The following DAB1 variants were observed in gnomAD, a reference collection of about 807,000 sequenced individuals.
The protein encoded by DAB1 is disabled homolog 1.
DAB1 carries 15 observed loss-of-function variants against 64.6 expected under a neutral mutation model. That is an observed-to-expected ratio of 0.23 (90% CI 0.16 to 0.36). DAB1 has a LOEUF of 0.36. DAB1 is among the 10% of genes least tolerant of loss of function. The pLI is 1.00. For synonymous variants in DAB1, 235 were observed against 251.9 expected, an observed-to-expected ratio of 0.93 and a Z score of 0.64; for missense variants, 596 against 706.7, an observed-to-expected ratio of 0.84 and a Z score of 1.78.
At chr1:58,450,692 T>C (rs1384201669) in intron 3 of DAB1, among the ~76,000 whole-genome samples, 1 of 152,138 alleles carries the variant, frequency 6.6e-6, no homozygotes, top group East Asian at 1.9e-4. Flanking sequence ...AGGCGGAGAT[T>C]GCAGTGAGCT....
At position 58,069,874 on chromosome 1, in the gene DAB1, C is replaced by T. The variant is rs569951409; in HGVS notation, n.387+80637G>A. 2.4e-4 allele frequency among the ~76,000 whole-genome samples: 36 copies of T among 152,256 alleles called. 1 individual carries two copies. Among genetic ancestry groups the T allele is most frequent in the South Asian group, 1.5e-3 (7 of 4,820 alleles). ...ACATTTTCTTATTCCAACACCTATG[C>T]TTTTTTCATTAACCTTCCCTGCCAA... On this transcript the variant is annotated intron_variant and non_coding_transcript_variant, in intron 5 of 20. Coordinates refer to the DAB1 transcript ENST00000485760.
intron 5 of DAB1, among the ~76,000 whole-genome samples, chr1:58,147,490 C>T (rs901762758): frequency 4.0e-5 from 6 of 150,782 alleles, no homozygotes; most frequent in South Asian, 2.1e-4. Context: ...TGGTGGCAGA[C>T]GCCTGTAGTC....
At chr1:57,149,121 T>C (rs7551702) in intron 2 of DAB1, among the ~76,000 whole-genome samples, 11 of 152,320 alleles carry the variant, frequency 7.2e-5, no homozygotes, top group African/African-American at 2.4e-4. Flanking sequence ...TTGGGTTTGG[T>C]TTCTTTTACT....
intron 5 of DAB1, among the ~76,000 whole-genome samples, chr1:58,034,737 T>C (rs12728627): frequency 0.34 from 52,324 of 152,094 alleles, 10,503 homozygotes; most frequent in Non-Finnish European, 0.45. Flanking sequence ...GTCTCACTGA[T>C]CTGAGTCTTC....
intron 5 of DAB1, among the ~76,000 whole-genome samples, chr1:57,996,907 T>A (rs914583086): frequency 9.9e-5 from 15 of 151,630 alleles, no homozygotes; most frequent in Non-Finnish European, 1.9e-4. Flanking sequence ...GCCTGGAGAG[T>A]GTAAAGTATT....
At chr1:57,322,918 T>C (rs753472508) in intron 1 of DAB1, among the ~76,000 whole-genome samples, 2 of 152,178 alleles carry the variant, frequency 1.3e-5, no homozygotes, top group Non-Finnish European at 2.9e-5. Context: ...AGCAGTCCTT[T>C]CTAAAGACCC....
At chr1:57,916,982 T>C (rs965441207) in intron 5 of DAB1, among the ~76,000 whole-genome samples, 16 of 152,076 alleles carry the variant, frequency 1.1e-4, no homozygotes, top group African/African-American at 3.4e-4. Context: ...TCTAAAGTTA[T>C]GCAGAAGGTA....
At chr1:57,156,114 G>A (rs1164436491) in intron 2 of DAB1, among the ~76,000 whole-genome samples, 1 of 152,208 alleles carries the variant, frequency 6.6e-6, no homozygotes, top group East Asian at 1.9e-4. Flanking sequence ...AAAAGAGTCT[G>A]GAGGCTTCCA....
At chr1:57,354,153 C>T (rs1570352481) in intron 1 of DAB1, among the ~76,000 whole-genome samples, 2 of 152,056 alleles carry the variant, frequency 1.3e-5, no homozygotes, top group African/African-American at 2.4e-5. Flanking sequence ...ATCAATCTTT[C>T]ATTGGAGCCA....
intron 3 of DAB1, among the ~76,000 whole-genome samples, chr1:58,491,326 A>G (rs931035065): frequency 6.6e-6 from 1 of 152,200 alleles, no homozygotes; most frequent in Non-Finnish European, 1.5e-5. Context: ...AATTGTAAAG[A>G]CCATCAAGGC....
At chr1:58,328,013 G>A (rs1314830596) in intron 4 of DAB1, among the ~76,000 whole-genome samples, 4 of 152,158 alleles carry the variant, frequency 2.6e-5, no homozygotes, top group Non-Finnish European at 5.9e-5. Context: ...GCTGAGTGAG[G>A]CAGAGGTGTA....
chr1:57,246,003 T>C (rs1250922611), intron 2 of DAB1, among the ~76,000 whole-genome samples: 3 of 152,322 alleles, frequency 2.0e-5, no homozygotes, highest in Middle Eastern at 3.4e-3. Flanking sequence ...TAGGAACTTA[T>C]ATTTAAAAGG....
chr1:57,107,072 G>A (rs931694879), intron 4 of DAB1, among the ~76,000 whole-genome samples: 4 of 151,872 alleles, frequency 2.6e-5, no homozygotes, highest in African/African-American at 9.7e-5. Flanking sequence ...ATTTCCCCAA[G>A]TATTAAAAAA....
In DAB1 at chr1:57,054,869, G is replaced by A. The variant is rs145201113; in HGVS notation, c.723+8015C>T. Among the ~76,000 whole-genome samples the A allele has an allele frequency of 2.2e-4, 34 of 152,290 alleles. No homozygotes were observed. The East Asian group carries it at 5.4e-3, about 24-fold the overall frequency. ...ATCAGCCCGAAGAAACAAAGACTAC[G>A]TGTATTTCCCAGCTCCCTGAGATGG... On this transcript the variant is annotated intron_variant, in intron 9 of 14. Coordinates refer to ENST00000371236, the MANE Select transcript of DAB1 (RefSeq NM_001365792.1).
chr1:57,892,831 C>T (rs189848923), intron 5 of DAB1, among the ~76,000 whole-genome samples: 1 of 152,322 alleles, frequency 6.6e-6, no homozygotes. Context: ...AGATATAAAT[C>T]ATGTATTTCC....
At position 57,573,904 on chromosome 1, in the gene DAB1, A is replaced by T. The variant is rs146370314; in HGVS notation, n.625+75688T>A. Reference sequence around the variant, plus strand: ...TAATGAGTGAAGCATTAGTAAAAAGATTGAATAAGGAATAAACACTCTCCT... The same window carrying T: ...TAATGAGTGAAGCATTAGTAAAAAGTTTGAATAAGGAATAAACACTCTCCT... On this transcript the variant is annotated intron_variant and non_coding_transcript_variant, in intron 7 of 20. Coordinates refer to the DAB1 transcript ENST00000485760. 9.2e-5 allele frequency among the ~76,000 whole-genome samples: 14 copies of T among 152,330 alleles called. No individual in the cohort carries two copies. The East Asian group carries it at 2.5e-3, about 27-fold the overall frequency.
chr1:57,435,210 G>A (rs773075740), intron 7 of DAB1, among the ~76,000 whole-genome samples: 15 of 151,680 alleles, frequency 9.9e-5, no homozygotes, highest in East Asian at 3.9e-4. Flanking sequence ...CACCACGCCC[G>A]GTTAATTTTT....
chr1:57,861,474 C>T (rs1654030028), intron 1 of DAB1, among the ~76,000 whole-genome samples: 1 of 152,140 alleles, frequency 6.6e-6, no homozygotes, highest in Admixed American at 6.5e-5. Context: ...CTGGCAAAGG[C>T]CCTGCCTCTA....
At chr1:58,026,948 C>T (rs946046878) in intron 5 of DAB1, among the ~76,000 whole-genome samples, 1 of 152,214 alleles carries the variant, frequency 6.6e-6, no homozygotes, top group African/African-American at 2.4e-5. Context: ...GCCTAATCTT[C>T]TCTTTGACTC....
Sources: allele counts gnomAD v4.1 joint callset (sites outside exome capture counted in the v4.1 genomes callset), GRCh38; gene constraint gnomAD v4.1.1; transcripts MANE v1.5; gene names NCBI Gene and HGNC (gene_info 2026-07-23, HGNC 2026-07-21).